Variants in JPH1 observed in about 807,000 individuals in gnomAD.
JPH1 encodes the protein junctophilin-1.
JPH1 carries 12 observed loss-of-function variants against 53.6 expected under a neutral mutation model. The ratio of observed to expected loss-of-function variants is 0.22; its 90% CI spans 0.14 to 0.36. The LOEUF (loss-of-function observed/expected upper bound fraction) is 0.36, where lower values mean the gene tolerates loss of function less well. JPH1 is among the 10% of genes least tolerant of loss of function. The pLI, the probability that JPH1 is intolerant of heterozygous loss-of-function variation, is 1.00. For missense variants in JPH1, 808 were observed against 905.5 expected (o/e 0.89, Z 1.38); for synonymous variants, 375 against 363.8 (o/e 1.03, Z -0.35).
chr8:74,249,889 C>T (rs1403095723), intron 3 of JPH1, among the ~76,000 whole-genome samples: 2 of 150,008 alleles, frequency 1.3e-5, no homozygotes, highest in Admixed American at 6.6e-5. Context: ...ATAATTGATG[C>T]ACTGTGTGTA....
intron 2 of JPH1, among the ~76,000 whole-genome samples, chr8:74,261,964 G>T (rs1210863926): frequency 2.6e-5 from 4 of 152,178 alleles, no homozygotes; most frequent in African/African-American, 7.2e-5. Context: ...GACAAATACA[G>T]CTTAACCTTT....
rs1428011543 is a variant in JPH1 at position 74,234,931 on chromosome 8, G to A, written c.*2120C>T. The A allele has an allele frequency of 2.0e-5, 3 of 152,594 alleles. No individual in the cohort carries two copies. The highest frequency in any genetic ancestry group is 7.2e-5 in the African/African-American group (3 of 41,444). The allele number at this position is 152,594 out of a possible 1,614,324, so 9.5% of individuals were successfully genotyped here. A position where few individuals can be genotyped will look rare whatever the true frequency, so the allele number is the denominator to read the frequency against. On this transcript the variant is annotated 3_prime_UTR_variant, in exon 6 of 6. Transcript: ENST00000342232. ...ACAACCCATTAGAAAGAGCCTTCAT[G>A]TAAAATACAGCTGTGCACATTTTAG... is the stretch of plus-strand genomic sequence containing the variant.
intron 2 of JPH1, among the ~76,000 whole-genome samples, chr8:74,303,750 G>A (rs1284956884): frequency 6.6e-6 from 1 of 151,980 alleles, no homozygotes; most frequent in Non-Finnish European, 1.5e-5. Flanking sequence ...TGCCCAGCCT[G>A]TGACTATTTA....
chr8:74,248,397 A>G (rs1054517623), intron 3 of JPH1, among the ~76,000 whole-genome samples: 4 of 152,258 alleles, frequency 2.6e-5, no homozygotes, highest in African/African-American at 9.6e-5. Context: ...TGCCTATCAG[A>G]GCATCTGAGG....
intron 2 of JPH1, among the ~76,000 whole-genome samples, chr8:74,302,195 G>A (rs557208507): frequency 6.6e-6 from 1 of 152,324 alleles, no homozygotes; most frequent in South Asian, 2.1e-4. Context: ...AGAACAATGT[G>A]CACCAGTGCA....
At chr8:74,319,160 T>C (rs1808243436) in intron 1 of JPH1, among the ~76,000 whole-genome samples, 1 of 152,156 alleles carries the variant, frequency 6.6e-6, no homozygotes, top group African/African-American at 2.4e-5. Context: ...TCTACTGTGC[T>C]ATATATATTT....
intron 2 of JPH1, among the ~76,000 whole-genome samples, chr8:74,279,735 T>C (rs1393543860): frequency 2.0e-5 from 3 of 152,252 alleles, no homozygotes; most frequent in African/African-American, 7.2e-5. Context: ...GTGTATGTTC[T>C]GGCTTACAGT....
chr8:74,267,793 C>A (rs769834035), intron 2 of JPH1, among the ~76,000 whole-genome samples: 25 of 152,210 alleles, frequency 1.6e-4, no homozygotes, highest in Middle Eastern at 3.4e-3. Context: ...GAGAGCTGAT[C>A]CTGTCGGAAG....
chr8:74,271,039 C>T (rs1480376524), intron 2 of JPH1, among the ~76,000 whole-genome samples: 4 of 152,104 alleles, frequency 2.6e-5, no homozygotes, highest in East Asian at 1.9e-4. Context: ...CTCACCAATC[C>T]GAGGTTCAGA....
At chr8:74,263,131 T>C (rs190968300) in intron 2 of JPH1, among the ~76,000 whole-genome samples, 1 of 152,132 alleles carries the variant, frequency 6.6e-6, no homozygotes, top group Non-Finnish European at 1.5e-5. Flanking sequence ...TACACGTGGG[T>C]CCCTGAGACA....
At chr8:74,270,746 G>C (rs1806674220) in intron 2 of JPH1, among the ~76,000 whole-genome samples, 1 of 152,182 alleles carries the variant, frequency 6.6e-6, no homozygotes, top group African/African-American at 2.4e-5. Flanking sequence ...GGTCCTCATA[G>C]ATTGTTAGTG....
chr8:74,287,031 C>G (rs1163568485), intron 2 of JPH1, among the ~76,000 whole-genome samples: 1 of 152,218 alleles, frequency 6.6e-6, no homozygotes, highest in Non-Finnish European at 1.5e-5. Flanking sequence ...TAACAGGGAG[C>G]TACTTTTAAT....
chr8:74,303,462 C>A (rs974003698), intron 2 of JPH1, among the ~76,000 whole-genome samples: 1 of 152,204 alleles, frequency 6.6e-6, no homozygotes, highest in Non-Finnish European at 1.5e-5. Flanking sequence ...TTAACTCAAC[C>A]AGCCACAGGT....
Position 74,321,072 on chromosome 8 carries a change from C to A in JPH1, c.216G>T (p.Leu72=). The A allele has an allele frequency of 6.2e-7, 1 of 1,613,512 alleles. No homozygotes were observed. The highest frequency in any genetic ancestry group is 8.5e-7 in the Non-Finnish European group (1 of 1,179,696). ...GYWAQGKRHG[L]GVETKGKWMY... is the part of the protein sequence containing the mutation. ...TCCACTTGCCCTTCGTCTCCACCCCCAGCCCGTGCCGCTTGCCCTGCGCCC... is the reference window on the plus strand; with the variant it reads ...TCCACTTGCCCTTCGTCTCCACCCCAAGCCCGTGCCGCTTGCCCTGCGCCC... Residue 72 remains leucine, a synonymous_variant, in exon 1 of 6, where the codon CTG becomes CTT. Coordinates refer to ENST00000342232, the MANE Select transcript of JPH1 (RefSeq NM_020647.4). This position sits in a 1 kb window ranked among gnomAD's most constrained non-coding sequence, Gnocchi z 4.3.
chr8:74,292,595 C>T (rs527594255), intron 2 of JPH1, among the ~76,000 whole-genome samples: 171 of 152,132 alleles, frequency 1.1e-3, no homozygotes, highest in African/African-American at 4.0e-3. Flanking sequence ...CACTTACAAA[C>T]GGGTAAAATG....
chr8:74,276,183 A>G (rs1028329053), intron 2 of JPH1, among the ~76,000 whole-genome samples: 2 of 152,152 alleles, frequency 1.3e-5, no homozygotes, highest in African/African-American at 4.8e-5. Context: ...ACATAAAACC[A>G]TAGGTGTTGG....
intron 3 of JPH1, among the ~76,000 whole-genome samples, chr8:74,256,704 A>C (rs1049108491): frequency 1.3e-5 from 2 of 152,238 alleles, no homozygotes; most frequent in Non-Finnish European, 2.9e-5. Flanking sequence ...TCAAAACCAC[A>C]ATGAGATGTC....
intron 2 of JPH1, among the ~76,000 whole-genome samples, chr8:74,295,900 CGT>C (rs918473702): frequency 6.6e-6 from 1 of 152,126 alleles, no homozygotes. Flanking sequence ...TCAGGCGTTG[CGT>C]GTGTGTTTTA....
chr8:74,283,265 A>G (rs767907358), intron 2 of JPH1, among the ~76,000 whole-genome samples: 1 of 151,782 alleles, frequency 6.6e-6, no homozygotes, highest in Non-Finnish European at 1.5e-5. Context: ...TTAAATATAT[A>G]TTTTTAAATT....
Sources: gnomAD v4.1 joint callset for allele counts (sites outside exome capture counted in the v4.1 genomes callset) on GRCh38, gnomAD v4.1.1 for gene constraint, Gnocchi (gnomAD v3.1) non-coding constraint, MANE v1.5 for transcripts, NCBI Gene and HGNC (gene_info 2026-07-23, HGNC 2026-07-21) for gene names.